Variants in EPM2A observed in about 807,000 individuals in gnomAD.
The protein encoded by EPM2A is laforin.
A neutral mutation model predicts 26.5 loss-of-function variants in EPM2A; 21 were observed. That is an observed-to-expected ratio of 0.79 (90% CI 0.56 to 1.14). The LOEUF is 1.14. Ranked by LOEUF, EPM2A falls within the 50% of genes most tolerant of loss-of-function variation. EPM2A has a pLI of 0.00. For missense variants in EPM2A, 458 were observed against 440.8 expected, an observed-to-expected ratio of 1.04 and a Z score of -0.35; for synonymous variants, 217 against 177.6, an observed-to-expected ratio of 1.22 and a Z score of -1.76.
At chr6:145,735,076 G>T (rs1033194408) in intron 1 of EPM2A, 122 bp downstream of exon 1, 1 of 590,276 alleles carries the variant, frequency 1.7e-6, no homozygotes, top group Non-Finnish European at 2.6e-6. Context: ...CAGGGACGCG[G>T]GCAAAAAGCC....
At chr6:145,644,251 C>T (rs1208295040) in intron 2 of EPM2A, among the ~76,000 whole-genome samples, 2 of 152,100 alleles carry the variant, frequency 1.3e-5, no homozygotes, top group Non-Finnish European at 2.9e-5. Context: ...GTAAAAAATT[C>T]TACTAACTAT....
chr6:145,688,296 C>T (rs1048924068), intron 1 of EPM2A, among the ~76,000 whole-genome samples: 1 of 152,102 alleles, frequency 6.6e-6, no homozygotes, highest in Non-Finnish European at 1.5e-5. Context: ...TATGATGAAG[C>T]TTGGTCACAG....
chr6:145,432,741 T>C (rs1446571612), intron 4 of EPM2A, among the ~76,000 whole-genome samples: 2 of 152,174 alleles, frequency 1.3e-5, no homozygotes, highest in African/African-American at 4.8e-5. Context: ...TTTGAAGCTT[T>C]AAAGCCAGGC....
intron 4 of EPM2A, chr6:145,489,844 A>C (rs1779731311): frequency 2.8e-6 from 4 of 1,447,126 alleles, no homozygotes; most frequent in Non-Finnish European, 3.9e-6. Context: ...TTGTACTTCC[A>C]CTGGCACCTG....
chr6:145,461,413 A>G lies in EPM2A; in HGVS notation c.555+41109T>C, dbSNP rs965115354. 1.3e-5 allele frequency among the ~76,000 whole-genome samples: 2 copies of G among 152,290 alleles called. 1 individual carries two copies. Among genetic ancestry groups the G allele is most frequent in the Admixed American group, 1.3e-4 (2 of 15,272 alleles). On this transcript the variant is annotated intron_variant, in intron 4 of 4. Transcript: ENST00000638717. The stretch of plus-strand genomic sequence containing the variant: ...TAAAATGCAATGCCACAGTTTGTGA[A>G]AGCCACAGAAAAGTTTTGAGTGAAA...
intron 4 of EPM2A, among the ~76,000 whole-genome samples, chr6:145,453,855 G>C (rs1256089817): frequency 6.6e-6 from 1 of 152,166 alleles, no homozygotes; most frequent in Non-Finnish European, 1.5e-5. Context: ...CTTTGAGGGA[G>C]TATTGTGTTC....
At chr6:145,456,389 C>T (rs9403704) in intron 4 of EPM2A, among the ~76,000 whole-genome samples, 98,779 of 152,044 alleles carry the variant, frequency 0.65, 33,648 homozygotes, top group East Asian at 0.85. Flanking sequence ...GACTAATCTA[C>T]AGTTGAAGCA....
intron 2 of EPM2A, among the ~76,000 whole-genome samples, chr6:145,673,860 G>GA (rs1310880842): frequency 1.3e-5 from 2 of 152,108 alleles, no homozygotes; most frequent in Non-Finnish European, 2.9e-5. Flanking sequence ...GGACATAGCT[G>GA]AAAAAAAGGC....
intron 3 of EPM2A, among the ~76,000 whole-genome samples, chr6:145,634,226 T>G (rs1776478310): frequency 6.6e-6 from 1 of 152,078 alleles, no homozygotes; most frequent in African/African-American, 2.4e-5. Flanking sequence ...GTAACTTGGT[T>G]CTCTCCTCTG....
intron 2 of EPM2A, 73 bp from the exon 3 acceptor site, chr6:145,635,559 T>C: frequency 1.4e-6 from 2 of 1,448,866 alleles, no homozygotes; most frequent in South Asian, 2.3e-5. Context: ...GCATAAAACA[T>C]GTAGTATTAA....
intron 1 of EPM2A, among the ~76,000 whole-genome samples, chr6:145,717,079 T>C (rs1356871863): frequency 6.6e-6 from 1 of 152,020 alleles, no homozygotes; most frequent in Non-Finnish European, 1.5e-5. Context: ...ACTATTCCAA[T>C]CAATACAAAA....
chr6:145,627,002 C>T lies in EPM2A; in HGVS notation c.*414G>A. ...CAACTGACCAGCTCACGCACACATA[C>T]TAGTGATGAAATCCACATAACTCCA... On this transcript the variant is annotated 3_prime_UTR_variant, in exon 4 of 4. Coordinates refer to ENST00000367519, the MANE Select transcript of EPM2A (RefSeq NM_005670.4). 9.0e-7 allele frequency: 1 copy of T among 1,105,748 alleles called. No individual in the cohort carries two copies. Among genetic ancestry groups the T allele is most frequent in the Non-Finnish European group, 1.1e-6 (1 of 902,018 alleles). The allele number at this position is 1,105,748 out of a possible 1,614,324, so 68.5% of individuals were successfully genotyped here. A position where few individuals can be genotyped will look rare whatever the true frequency, so the allele number is the denominator to read the frequency against.
At chr6:145,515,531 C>A (rs1780113880) in intron 2 of EPM2A, among the ~76,000 whole-genome samples, 1 of 152,298 alleles carries the variant, frequency 6.6e-6, no homozygotes, top group South Asian at 2.1e-4. Context: ...TCCTCATACA[C>A]AGAGATCTTC....
chr6:145,610,835 C>T (rs1369529242), intron 2 of EPM2A, among the ~76,000 whole-genome samples: 1 of 152,152 alleles, frequency 6.6e-6, no homozygotes, highest in Non-Finnish European at 1.5e-5. Flanking sequence ...ATGATCAGGA[C>T]CTGAGCACTC....
At chr6:145,450,111 T>C (rs1779175913) in intron 4 of EPM2A, among the ~76,000 whole-genome samples, 1 of 151,884 alleles carries the variant, frequency 6.6e-6, no homozygotes, top group Non-Finnish European at 1.5e-5. Flanking sequence ...CCCAGCACTT[T>C]GGGAGGCCGA....
intron 2 of EPM2A, among the ~76,000 whole-genome samples, chr6:145,546,760 C>T (rs925197627): frequency 2.0e-5 from 3 of 152,016 alleles, no homozygotes; most frequent in Non-Finnish European, 2.9e-5. Flanking sequence ...TAGATATAGA[C>T]ATATAGACAC....
At chr6:145,606,044 C>T (rs979396245) in intron 2 of EPM2A, among the ~76,000 whole-genome samples, 15 of 152,112 alleles carry the variant, frequency 9.9e-5, no homozygotes, top group Middle Eastern at 3.4e-3. Flanking sequence ...TTATTTACAC[C>T]AATTGGTAAT....
At chr6:145,407,509 A>C (rs1302839113) in intron 4 of EPM2A, among the ~76,000 whole-genome samples, 5 of 152,182 alleles carry the variant, frequency 3.3e-5, no homozygotes, top group Non-Finnish European at 5.9e-5. Flanking sequence ...ATTTAGTGCA[A>C]GTTCTGCACA....
At chr6:145,660,999 A>G (rs1460766284) in intron 2 of EPM2A, among the ~76,000 whole-genome samples, 1 of 152,124 alleles carries the variant, frequency 6.6e-6, no homozygotes, top group African/African-American at 2.4e-5. Context: ...AAAGGGCACT[A>G]AAATAGGAAG....
Sources: gnomAD v4.1 joint callset for allele counts (sites outside exome capture counted in the v4.1 genomes callset) on GRCh38, gnomAD v4.1.1 for gene constraint, MANE v1.5 for transcripts, NCBI Gene and HGNC (gene_info 2026-07-23, HGNC 2026-07-21) for gene names.